GPATCH2: variants seen among roughly 807,000 people sequenced by gnomAD.
GPATCH2 encodes G-patch domain containing 2, also known as G patch domain-containing protein 2.
Under a neutral mutation model 58.0 loss-of-function variants are expected in GPATCH2, and 51 were observed. The ratio of observed to expected loss-of-function variants is 0.88; its 90% CI spans 0.70 to 1.11. The LOEUF is 1.11. GPATCH2 is among the 50% of genes most tolerant of loss of function. The pLI, the probability that GPATCH2 is intolerant of heterozygous loss-of-function variation, is 0.00. For missense variants in GPATCH2, 625 were observed against 652.2 expected (o/e 0.96, Z 0.45); for synonymous variants, 222 against 218.5 (o/e 1.02, Z -0.14).
rs148546705 is a variant in GPATCH2 at position 217,429,695 on chromosome 1, G to A, written c.*1450C>T. The A allele has an allele frequency of 3.8e-3, 576 of 152,002 alleles. 3 individuals carry two copies. The highest frequency in any genetic ancestry group is 0.013 in the African/African-American group (552 of 41,428). The allele number at this position is 152,002 out of a possible 1,614,324, so 9.4% of individuals were successfully genotyped here. ...ATACAAAAATTATCCGGGTATGGTC[G>A]TGGGTGCCTGTAATCCCTGCTATTT... On this transcript the variant is annotated 3_prime_UTR_variant, in exon 10 of 10. Coordinates refer to ENST00000366935, the MANE Select transcript of GPATCH2 (RefSeq NM_018040.5).
At chr1:217,597,935 T>C (rs907742205) in intron 5 of GPATCH2, among the ~76,000 whole-genome samples, 4 of 152,334 alleles carry the variant, frequency 2.6e-5, no homozygotes, top group African/African-American at 9.6e-5. Flanking sequence ...ATGTTTTTAA[T>C]GTGCTGTCAA....
At chr1:217,527,500 G>C (rs1442047269) in intron 5 of GPATCH2, among the ~76,000 whole-genome samples, 1 of 148,758 alleles carries the variant, frequency 6.7e-6, no homozygotes, top group Non-Finnish European at 1.5e-5. Context: ...TTTTTGACTA[G>C]GAGTTAAAGA....
At chr1:217,552,117 T>A (rs568996021) in intron 5 of GPATCH2, among the ~76,000 whole-genome samples, 5 of 152,192 alleles carry the variant, frequency 3.3e-5, no homozygotes, top group South Asian at 4.1e-4. Context: ...ACTGACTGCC[T>A]TACCAACAAA....
At position 217,430,430 on chromosome 1, in the gene GPATCH2, AT is replaced by A. The variant is rs1354522242; in HGVS notation, c.*714del. 6.6e-6 allele frequency: 1 copy of A among 152,232 alleles called. No individual in the cohort carries two copies. Among genetic ancestry groups the A allele is most frequent in the African/African-American group, 2.4e-5 (1 of 41,460 alleles). 9.4% of individuals were successfully genotyped at this position (152,232 alleles called of 1,614,324 possible). ...AAAATACATTTTTCTTTCAATAATT[AT>A]TTTATGTTCTAAATGAGGTAAAATT... On this transcript the variant is annotated 3_prime_UTR_variant, in exon 10 of 10. Coordinates refer to ENST00000366935, the MANE Select transcript of GPATCH2 (RefSeq NM_018040.5).
intron 1 of GPATCH2, 82 bp from the exon 2 acceptor site, chr1:217,620,581 T>A: frequency 1.3e-6 from 1 of 793,774 alleles, no homozygotes; most frequent in Non-Finnish European, 2.0e-6. Context: ...CAATTCATTC[T>A]AAATTCGACA....
chr1:217,533,707 T>G (rs765864894), intron 5 of GPATCH2, among the ~76,000 whole-genome samples: 2 of 152,244 alleles, frequency 1.3e-5, no homozygotes, highest in Non-Finnish European at 2.9e-5. Context: ...GATATTTACG[T>G]TGGTATCTCC....
chr1:217,568,434 G>C (rs1666369160), intron 5 of GPATCH2, among the ~76,000 whole-genome samples: 1 of 152,000 alleles, frequency 6.6e-6, no homozygotes, highest in South Asian at 2.1e-4. Flanking sequence ...CCACTGAGAG[G>C]AGACACACAA....
At chr1:217,434,321 G>A (rs1658709346) in intron 9 of GPATCH2, among the ~76,000 whole-genome samples, 1 of 152,172 alleles carries the variant, frequency 6.6e-6, no homozygotes, top group Admixed American at 6.5e-5. Flanking sequence ...ACACACGCAA[G>A]CACGCACAAC....
At chr1:217,491,637 A>C (rs768416970) in intron 8 of GPATCH2, 43 bp downstream of exon 8, 1 of 940,618 alleles carries the variant, frequency 1.1e-6, no homozygotes, top group Non-Finnish European at 1.7e-6. Flanking sequence ...AGGCATAGAA[A>C]AAAAGAAAAT....
In GPATCH2 at chr1:217,610,357, C is replaced by A. The variant is rs1203731790; in HGVS notation, c.1062G>T (p.Lys354Asn). 2 of 1,605,668 alleles carry A rather than the reference C, an allele frequency of 1.2e-6. No homozygotes were observed. The highest frequency in any genetic ancestry group is 2.2e-5 in the East Asian group (1 of 44,798). The change falls in exon 5 of 10, where the codon AAG becomes AAT. Residue 354 changes from lysine to asparagine, a missense_variant. Lys to Asn is a moderately conservative substitution (Grantham distance 94, BLOSUM62 0). Transcript: ENST00000366935. The part of the protein sequence containing the change: ...RLSRLHGMSS[K>N]NIKKSGGTPT... Reference sequence around the variant, plus strand: ...GAGTCCCTCCAGATTTTTTAATATTCTTTGAAGACATTCCATGAAGGCGAC... The same window carrying A: ...GAGTCCCTCCAGATTTTTTAATATTATTTGAAGACATTCCATGAAGGCGAC...
chr1:217,575,458 T>C (rs1267738158), intron 5 of GPATCH2, among the ~76,000 whole-genome samples: 1 of 152,150 alleles, frequency 6.6e-6, no homozygotes, highest in African/African-American at 2.4e-5. Flanking sequence ...ATACTTAATA[T>C]AAAAGTTTGA....
intron 5 of GPATCH2, among the ~76,000 whole-genome samples, chr1:217,601,279 A>C (rs981097567): frequency 2.9e-4 from 44 of 152,276 alleles, no homozygotes; most frequent in Middle Eastern, 6.8e-3. Flanking sequence ...AAATCATTCA[A>C]AAGTTACAAA....
intron 5 of GPATCH2, among the ~76,000 whole-genome samples, chr1:217,552,449 G>A (rs1249213880): frequency 1.3e-5 from 2 of 152,128 alleles, no homozygotes; most frequent in African/African-American, 4.8e-5. Context: ...TGTTCCAGAA[G>A]CAGTAAAGGT....
chr1:217,522,134 C>A (rs1663496804), intron 5 of GPATCH2, among the ~76,000 whole-genome samples: 1 of 151,980 alleles, frequency 6.6e-6, no homozygotes, highest in African/African-American at 2.4e-5. Flanking sequence ...TGTTTTAAAT[C>A]TTCATTGTAA....
At chr1:217,519,627 A>G (rs932410080) in intron 5 of GPATCH2, among the ~76,000 whole-genome samples, 7 of 152,174 alleles carry the variant, frequency 4.6e-5, no homozygotes, top group African/African-American at 9.7e-5. Context: ...TCACATGTCA[A>G]CTTTCTCATT....
At chr1:217,588,291 A>G (rs781709405) in intron 5 of GPATCH2, among the ~76,000 whole-genome samples, 1 of 152,146 alleles carries the variant, frequency 6.6e-6, no homozygotes, top group East Asian at 1.9e-4. Flanking sequence ...ACTGGTAGCA[A>G]TTACCTAATT....
intron 5 of GPATCH2, among the ~76,000 whole-genome samples, chr1:217,589,724 G>A (rs1667503180): frequency 6.6e-6 from 1 of 152,104 alleles, no homozygotes; most frequent in South Asian, 2.1e-4. Context: ...TAAATCTCAA[G>A]CACTAGGGTT....
At chr1:217,614,300 G>A (rs1303479172) in intron 2 of GPATCH2, 98 bp from the exon 3 acceptor site, 3 of 698,998 alleles carry the variant, frequency 4.3e-6, no homozygotes, top group South Asian at 1.7e-5. Context: ...TGGAACTTAA[G>A]CCTGACAAAG....
At chr1:217,493,903 G>A (rs1661874403) in intron 7 of GPATCH2, among the ~76,000 whole-genome samples, 2 of 151,860 alleles carry the variant, frequency 1.3e-5, no homozygotes, top group African/African-American at 4.8e-5. Context: ...CTATTCCTGA[G>A]GCTTGTGTTA....
Sources: gnomAD v4.1 joint callset for allele counts (sites outside exome capture counted in the v4.1 genomes callset) on GRCh38, gnomAD v4.1.1 for gene constraint, MANE v1.5 for transcripts, NCBI Gene and HGNC (gene_info 2026-07-23, HGNC 2026-07-21) for gene names.